EHD2: variants seen among roughly 807,000 people sequenced by gnomAD.
EHD2 encodes the protein EH domain containing 2.
A neutral mutation model predicts 41.0 loss-of-function variants in EHD2; 27 were observed. That is an observed-to-expected ratio of 0.66 (90% CI 0.49 to 0.91). The LOEUF is 0.91. Among genes scored for constraint, EHD2 ranks in the 40% least tolerant of loss-of-function variants. EHD2 has a pLI of 0.00. For missense variants in EHD2, 673 were observed against 773.9 expected (o/e 0.87, Z 1.55); for synonymous variants, 342 against 341.0 (o/e 1.00, Z -0.03).
Position 47,719,291 on chromosome 19 carries a change from C to G in EHD2, c.502+685C>G, listed in dbSNP as rs962344081. Among the ~76,000 whole-genome samples, 1 of 151,534 alleles carries G rather than the reference C, an allele frequency of 6.6e-6. No individual in the cohort carries two copies. Among genetic ancestry groups the G allele is most frequent in the Non-Finnish European group, 1.5e-5 (1 of 67,824 alleles). On this transcript the variant is annotated intron_variant, in intron 3 of 5. Coordinates refer to ENST00000263277, the MANE Select transcript of EHD2 (RefSeq NM_014601.4). The surrounding 1 kb of genome is among the most constrained non-coding windows in gnomAD (Gnocchi z 4.1). ...GAGCCTGGGCAGGGGAGGCAGAGCC[C>G]GGGCAGGGGAGGCTGGGCCCTGCGA...
chr19:47,725,286 C>T (rs1973738524), intron 3 of EHD2, among the ~76,000 whole-genome samples: 1 of 151,516 alleles, frequency 6.6e-6, no homozygotes, highest in Non-Finnish European at 1.5e-5. Flanking sequence ...CGCGGTGGCC[C>T]ACGCCTGTAA....
rs114820499 is a variant in EHD2, at chr19:47,740,964, C to T, written c.1164C>T (p.His388=). Reference sequence around the variant, plus strand: ...AGGCACTGGACGAGATGCTGACGCACGACATCGCCAAGCTCATGCCCCTGC... The same window carrying T: ...AGGCACTGGACGAGATGCTGACGCATGACATCGCCAAGCTCATGCCCCTGC... ...LLEALDEMLT[H]DIAKLMPLLR... The change falls in exon 6 of 6, where the codon CAC becomes CAT. Residue 388 remains histidine, a synonymous_variant. Coordinates refer to ENST00000263277, the MANE Select transcript of EHD2 (RefSeq NM_014601.4). 1,651 of 1,612,556 alleles carry T rather than the reference C, an allele frequency of 1.0e-3. 13 individuals are homozygous for T. The African/African-American group carries it at 0.019, about 18-fold the overall frequency.
In EHD2 at chr19:47,719,944, A is replaced by ATGTGTGTG. The variant is rs879925800; in HGVS notation, c.502+1339_502+1340insGTGTGTGT. 0.22 allele frequency among the ~76,000 whole-genome samples: 24,429 copies of ATGTGTGTG among 111,474 alleles called. 2,191 individuals carry two copies. Among genetic ancestry groups the ATGTGTGTG allele is most frequent in the Middle Eastern group, 0.35 (83 of 236 alleles). 73.1% of individuals were successfully genotyped at this position (111,474 alleles called of 152,430 possible). A position where few individuals can be genotyped will look rare whatever the true frequency, so the allele number is the denominator to read the frequency against. ...AGAGAGTGTCCAGCTGTTGGTGTGTATATGTGTGTGTGTGTGTGTGTGTGT... is the reference window on the plus strand; with the variant it reads ...AGAGAGTGTCCAGCTGTTGGTGTGTATGTGTGTGTATGTGTGTGTGTGTGTGTGTGTGT... On this transcript the variant is annotated intron_variant, in intron 3 of 5. Transcript: ENST00000263277. The surrounding 1 kb of genome is among the most constrained non-coding windows in gnomAD (Gnocchi z 4.1).
At chr19:47,730,419 G>A (rs566367167) in intron 4 of EHD2, among the ~76,000 whole-genome samples, 1 of 151,912 alleles carries the variant, frequency 6.6e-6, no homozygotes, top group East Asian at 1.9e-4. Flanking sequence ...CCCCAGTGCC[G>A]TTCAGGACAC....
In EHD2 at chr19:47,718,507, A is replaced by G; in HGVS notation, c.405-2A>G. 6.3e-7 allele frequency: 1 copy of G among 1,575,416 alleles called. No individual in the cohort carries two copies. Among genetic ancestry groups the G allele is most frequent in the Admixed American group, 1.9e-5 (1 of 53,860 alleles). ...GACCCCTGACCCTCCCTCTGCCCCCAGGTTCATGTGTGCCCAGCTCCCTAA... is the reference window on the plus strand; with the variant it reads ...GACCCCTGACCCTCCCTCTGCCCCCGGGTTCATGTGTGCCCAGCTCCCTAA... On this transcript the variant is annotated splice_acceptor_variant, in intron 2 of 5. Transcript: ENST00000263277. LOFTEE classifies it high-confidence loss of function.
At position 47,741,049 on chromosome 19, in the gene EHD2, A is replaced by G. The variant is rs763035263; in HGVS notation, c.1249A>G (p.Thr417Ala). The change falls in exon 6 of 6, where the codon ACC (threonine) becomes GCC (alanine). Residue 417 changes from threonine to alanine, a missense_variant. Thr to Ala is a moderately conservative substitution (Grantham distance 58). Coordinates refer to ENST00000263277, the MANE Select transcript of EHD2 (RefSeq NM_014601.4). The surrounding 1 kb of genome is among the most constrained non-coding windows in gnomAD (Gnocchi z 4.5). ...VGVQGGAFEG[T>A]HMGPFVERGP... ...CGTGCAGGGGGGCGCTTTTGAGGGCACCCACATGGGCCCGTTTGTGGAGCG... is the reference window on the plus strand; with the variant it reads ...CGTGCAGGGGGGCGCTTTTGAGGGCGCCCACATGGGCCCGTTTGTGGAGCG... The G allele has an allele frequency of 8.1e-6, 13 of 1,609,458 alleles. No individual in the cohort carries two copies. Among genetic ancestry groups the G allele is most frequent in the Non-Finnish European group, 1.1e-5 (13 of 1,179,524 alleles).
rs147896380 is a variant in EHD2, at chr19:47,716,864, C to T, written c.252C>T (p.Pro84=). The stretch of plus-strand genomic sequence containing the variant: ...AGTACCTGCTGGAGCAGGAGGTGCC[C>T]GGCTCCCGCGTGGGGCCTGAGCCCA... The part of the protein sequence containing the change: ...FIQYLLEQEV[P]GSRVGPEPTT... Residue 84 remains proline (P), a synonymous_variant, in exon 2 of 6, where the codon CCC becomes CCT. Transcript: ENST00000263277. The T allele has an allele frequency of 9.0e-5, 145 of 1,610,934 alleles. No individual in the cohort carries two copies. Among genetic ancestry groups the T allele is most frequent in the African/African-American group, 2.5e-4 (19 of 75,014 alleles).
At chr19:47,714,758 G>A (rs112854044) in intron 1 of EHD2, among the ~76,000 whole-genome samples, 2,980 of 152,126 alleles carry the variant, frequency 0.02, 42 homozygotes, top group African/African-American at 0.033. Flanking sequence ...GAGATGAGCC[G>A]GCATGGTGGC....
intron 3 of EHD2, among the ~76,000 whole-genome samples, chr19:47,724,805 C>G (rs947414026): frequency 6.6e-6 from 1 of 151,590 alleles, no homozygotes; most frequent in Non-Finnish European, 1.5e-5. Context: ...GGTGAAACCC[C>G]GTCTCTACTA....
chr19:47,718,772 A>G (rs28395272), intron 3 of EHD2, among the ~76,000 whole-genome samples, 166 bp downstream of exon 3: 3,193 of 28,864 alleles, frequency 0.11, 3 homozygotes, highest in East Asian at 0.27. Context: ...GGACTCCTGG[A>G]TCTGAGGGAG....
intron 4 of EHD2, 53 bp from the exon 5 acceptor site, chr19:47,736,316 A>G: frequency 6.5e-7 from 1 of 1,542,890 alleles, no homozygotes; most frequent in Non-Finnish European, 8.7e-7. Context: ...CTGTGTTTTA[A>G]CAAGCTCCCT....
chr19:47,740,007 T>C (rs141839315), intron 5 of EHD2, among the ~76,000 whole-genome samples: 3 of 152,168 alleles, frequency 2.0e-5, no homozygotes, highest in Non-Finnish European at 2.9e-5. Flanking sequence ...TATCTTCTCA[T>C]TGGTGGGTGC....
chr19:47,716,120 G>A (rs1973622302), intron 1 of EHD2, among the ~76,000 whole-genome samples: 1 of 139,470 alleles, frequency 7.2e-6, no homozygotes, highest in Admixed American at 7.8e-5. Flanking sequence ...AGCCCAGGCT[G>A]GAGTGCAGCG....
In EHD2 at chr19:47,736,391, A is replaced by G. The variant is rs565135733; in HGVS notation, c.938A>G (p.Tyr313Cys). 1.9e-6 allele frequency: 3 copies of G among 1,613,372 alleles called. No individual in the cohort carries two copies. The highest frequency in any genetic ancestry group is 1.3e-5 in the African/African-American group (1 of 75,000). Residue 313 changes from tyrosine (Y) to cysteine (C), a missense_variant, in exon 5 of 6, where the codon TAC becomes TGC. Transcript: ENST00000263277. ...CAGGTTCACGCTTACATCATCAGCTACCTGAAGAAGGAGATGCCCTCTGTG... is the reference window on the plus strand; with the variant it reads ...CAGGTTCACGCTTACATCATCAGCTGCCTGAAGAAGGAGATGCCCTCTGTG... The part of the protein sequence containing the change: ...LVRVHAYIIS[Y>C]LKKEMPSVFG...
chr19:47,734,134 G>A (rs946742937), intron 4 of EHD2, among the ~76,000 whole-genome samples: 1 of 152,166 alleles, frequency 6.6e-6, no homozygotes, highest in Admixed American at 6.6e-5. Flanking sequence ...AGAGGATGAC[G>A]CTCGAATGGA....
intron 2 of EHD2, among the ~76,000 whole-genome samples, chr19:47,717,220 G>A (rs1252467852): frequency 6.6e-6 from 1 of 152,016 alleles, no homozygotes; most frequent in Non-Finnish European, 1.5e-5. Flanking sequence ...GCGAGTTTTT[G>A]TATTATTAGG....
In EHD2 at chr19:47,716,668, G is replaced by A. The variant is rs371409023; in HGVS notation, c.56G>A (p.Arg19His). ...GARGQQPEAI[R>H]TVTSALKELY... Reference sequence around the variant, plus strand: ...CGGGGCCAGCAGCCCGAGGCCATCCGCACGGTGACCTCGGCCCTCAAGGAG... The same window carrying A: ...CGGGGCCAGCAGCCCGAGGCCATCCACACGGTGACCTCGGCCCTCAAGGAG... The change falls in exon 2 of 6, where the codon CGC becomes CAC. Residue 19 changes from arginine to histidine, a missense_variant. Coordinates refer to ENST00000263277, the MANE Select transcript of EHD2 (RefSeq NM_014601.4). The A allele has an allele frequency of 2.4e-5, 38 of 1,598,342 alleles. No individual in the cohort carries two copies. Among genetic ancestry groups the A allele is most frequent in the African/African-American group, 5.4e-5 (4 of 74,604 alleles).
intron 4 of EHD2, chr19:47,731,314 A>ATATACATATATATATATGTGTATATATAT (rs1160770476): frequency 8.8e-6 from 1 of 113,996 alleles, no homozygotes; most frequent in Non-Finnish European, 1.9e-5. Context: ...ATATATATAT[A>ATATACATATATATATATGTGTATATATAT]ATTTTTTTTT....
Position 47,718,084 on chromosome 19 carries a change from C to T in EHD2, c.405-425C>T, listed in dbSNP as rs557276074. 4.0e-5 allele frequency among the ~76,000 whole-genome samples: 6 copies of T among 150,894 alleles called. No individual in the cohort carries two copies. In the South Asian group the frequency reaches 1.3e-3, roughly 32 times the overall value. ...GGCCAGAAGTTTGAGACCAGCCTGG[C>T]CAACATGGTGAAACCCCGTCTCTAC... On this transcript the variant is annotated intron_variant, in intron 2 of 5. Coordinates refer to ENST00000263277, the MANE Select transcript of EHD2 (RefSeq NM_014601.4).
Sources: allele counts gnomAD v4.1 joint callset (sites outside exome capture counted in the v4.1 genomes callset), GRCh38; gene constraint gnomAD v4.1.1; non-coding constraint Gnocchi (gnomAD v3.1); transcripts MANE v1.5; gene names NCBI Gene and HGNC (gene_info 2026-07-23, HGNC 2026-07-21).